The following ITGA4 variants were observed in gnomAD, a reference collection of about 807,000 sequenced individuals.
The protein encoded by ITGA4 is integrin subunit alpha 4, also known as integrin alpha-4.
In ITGA4, 63 loss-of-function variants were observed where a neutral mutation model predicts 133.6. The ratio of observed to expected loss-of-function variants is 0.47; its 90% CI spans 0.38 to 0.58. ITGA4 has a LOEUF of 0.58. ITGA4 is among the 20% of genes least tolerant of loss of function. ITGA4 has a pLI of 0.00. For missense variants in ITGA4, 1,076 were observed against 1,252.7 expected, an observed-to-expected ratio of 0.86 and a Z score of 2.13; for synonymous variants, 483 against 438.0, an observed-to-expected ratio of 1.10 and a Z score of -1.28.
At chr2:181,472,803 C>T (rs1214580873) in intron 2 of ITGA4, among the ~76,000 whole-genome samples, 1 of 152,116 alleles carries the variant, frequency 6.6e-6, no homozygotes, top group Non-Finnish European at 1.5e-5. Flanking sequence ...ACCATCTTCC[C>T]TCTGTTTTCC....
Position 181,494,809 on chromosome 2 carries a change from G to A in ITGA4, c.1336G>A (p.Val446Ile). The A allele has an allele frequency of 6.9e-7, 1 of 1,446,936 alleles. No individual in the cohort carries two copies. Among genetic ancestry groups the A allele is most frequent in the East Asian group, 2.3e-5 (1 of 44,072 alleles). 89.6% of individuals were successfully genotyped at this position (1,446,936 alleles called of 1,614,324 possible). ...AATTGATGCAGATAATAATGGCTAT[G>A]TAGGTGAGTAATTAGTTTATCATAA... is the stretch of plus-strand genomic sequence containing the variant. The part of the protein sequence containing the change: ...GQIDADNNGY[V>I]DVAVGAFRSD... Residue 446 changes from valine to isoleucine, a missense_variant, in exon 12 of 28, where the codon GTA (valine) becomes ATA (isoleucine). Val to Ile is a conservative substitution (Grantham distance 29). Coordinates refer to ENST00000397033, the MANE Select transcript of ITGA4 (RefSeq NM_000885.6).
rs201758248 is a variant in ITGA4 at position 181,523,522 on chromosome 2, A to C, written c.2159A>C (p.His720Pro). 6.4e-7 allele frequency: 1 copy of C among 1,565,812 alleles called. No homozygotes were observed. ...AGTATTGGCTATATATATGTAGATC[A>C]TCTCTCAAGGGTAAGTGTTTCATAT... ...DCSIGYIYVD[H>P]LSRIDISFLL... Residue 720 changes from histidine (H) to proline (P), a missense_variant, in exon 19 of 28, where the codon CAT (histidine) becomes CCT (proline). Transcript: ENST00000397033. This position sits in a 1 kb window ranked among gnomAD's most constrained non-coding sequence, Gnocchi z 4.2.
At chr2:181,477,538 C>T (rs1358642630) in intron 4 of ITGA4, among the ~76,000 whole-genome samples, 1 of 152,012 alleles carries the variant, frequency 6.6e-6, no homozygotes, top group East Asian at 1.9e-4. Context: ...GTCAAGAGAC[C>T]AAATGGCTTT....
At chr2:181,518,850 T>C (rs1188321778) in intron 17 of ITGA4, among the ~76,000 whole-genome samples, 1 of 152,080 alleles carries the variant, frequency 6.6e-6, no homozygotes, top group Non-Finnish European at 1.5e-5. Flanking sequence ...TAGTATATTT[T>C]GTTTTTTAAA....
chr2:181,496,542 C>A (rs1437924284), intron 14 of ITGA4, among the ~76,000 whole-genome samples: 1 of 152,166 alleles, frequency 6.6e-6, no homozygotes, highest in African/African-American at 2.4e-5. Context: ...CTCCTAAGAA[C>A]CGTCACCTAT....
Position 181,534,356 on chromosome 2 carries a change from G to A in ITGA4, c.2869G>A (p.Glu957Lys), listed in dbSNP as rs184654468. The stretch of plus-strand genomic sequence containing the variant: ...AAGAGTAATTGAACTAAACAAGGAT[G>A]AGAATGTTGCGCATGTAAGATTACC... Reference protein sequence around the residue: ...NPRVIELNKDENVAHVLLEGL... With the variant: ...NPRVIELNKDKNVAHVLLEGL... The change falls in exon 26 of 28, where the codon GAG (glutamate) becomes AAG (lysine). Residue 957 changes from glutamate (E) to lysine (K), a missense_variant. Transcript: ENST00000397033. 1.4e-5 allele frequency: 23 copies of A among 1,595,412 alleles called. No individual in the cohort carries two copies.
chr2:181,534,248 GGT>G, intron 25 of ITGA4, 22 bp from the exon 26 acceptor site: 2 of 1,388,758 alleles, frequency 1.4e-6, no homozygotes, highest in Non-Finnish European at 2.0e-6. Context: ...ACCAGGCTAT[GGT>G]GATCCTTCTT....
chr2:181,492,717 G>T (rs1420008487), intron 10 of ITGA4, among the ~76,000 whole-genome samples: 1 of 152,134 alleles, frequency 6.6e-6, no homozygotes, highest in Non-Finnish European at 1.5e-5. Flanking sequence ...TTATTTTACA[G>T]AACAAATCCT....
intron 2 of ITGA4, chr2:181,459,475 A>G (rs1685213880): frequency 6.6e-6 from 1 of 152,026 alleles, no homozygotes. Context: ...TCTTTTTCAA[A>G]CTGTGAAGCT....
At chr2:181,490,484 CGTGTGTGTGTGTGTGTGTGTGTGTGT>C (rs35723610) in intron 10 of ITGA4, among the ~76,000 whole-genome samples, 1 of 137,742 alleles carries the variant, frequency 7.3e-6, no homozygotes, top group Admixed American at 7.2e-5. Flanking sequence ...GAATAGTATT[CGTGTGTGTGTGTGTGTGTGTGTGTGT>C]GTGTGTGTGT....
intron 21 of ITGA4, 118 bp downstream of exon 21, chr2:181,525,409 C>A (rs1469581730): frequency 5.2e-6 from 3 of 576,444 alleles, no homozygotes; most frequent in African/African-American, 3.7e-5. Context: ...GATACTCTAT[C>A]TTTTAATAAT....
intron 9 of ITGA4, among the ~76,000 whole-genome samples, chr2:181,482,854 C>A (rs907566034): frequency 2.0e-5 from 3 of 152,108 alleles, no homozygotes; most frequent in Non-Finnish European, 4.4e-5. Flanking sequence ...CCAGAACAAT[C>A]TATGAAATAG....
chr2:181,488,669 C>T (rs1410482548), intron 10 of ITGA4, among the ~76,000 whole-genome samples: 3 of 152,038 alleles, frequency 2.0e-5, no homozygotes. Flanking sequence ...TGCCATTCTC[C>T]TGCCTCAGCC....
At chr2:181,515,045 G>A (rs1172511469) in intron 17 of ITGA4, among the ~76,000 whole-genome samples, 1 of 152,044 alleles carries the variant, frequency 6.6e-6, no homozygotes, top group Non-Finnish European at 1.5e-5. Context: ...TGAAAGAAAT[G>A]CAGATTCCTA....
At chr2:181,477,665 G>A (rs1398146758) in intron 4 of ITGA4, among the ~76,000 whole-genome samples, 3 of 152,110 alleles carry the variant, frequency 2.0e-5, no homozygotes, top group African/African-American at 7.2e-5. Flanking sequence ...ACACCTATTA[G>A]AATTGTCATT....
chr2:181,511,812 G>T (rs753294842), intron 17 of ITGA4, 37 bp downstream of exon 17: 3 of 1,002,862 alleles, frequency 3.0e-6, no homozygotes, highest in African/African-American at 3.2e-5. Flanking sequence ...GTTATTCATC[G>T]AGAGGGTGTA....
intron 15 of ITGA4, among the ~76,000 whole-genome samples, chr2:181,501,591 G>A (rs935785608): frequency 1.3e-5 from 2 of 152,152 alleles, no homozygotes; most frequent in South Asian, 4.1e-4. Flanking sequence ...CAAAAGTGGT[G>A]GCAGTGGATA....
chr2:181,472,993 GTCC>G (rs1028632889), intron 2 of ITGA4, among the ~76,000 whole-genome samples: 6 of 152,198 alleles, frequency 3.9e-5, no homozygotes, highest in African/African-American at 1.4e-4. Context: ...CCTAGTCTTA[GTCC>G]TCCTCCCTTC....
chr2:181,463,172 G>T (rs1466121634), intron 2 of ITGA4, among the ~76,000 whole-genome samples: 1 of 152,200 alleles, frequency 6.6e-6, no homozygotes, highest in Non-Finnish European at 1.5e-5. Flanking sequence ...TGAAGTCTTT[G>T]AGAGCACGAT....
Sources: allele counts gnomAD v4.1 joint callset (sites outside exome capture counted in the v4.1 genomes callset), GRCh38; gene constraint gnomAD v4.1.1; non-coding constraint Gnocchi (gnomAD v3.1); transcripts MANE v1.5; gene names NCBI Gene and HGNC (gene_info 2026-07-23, HGNC 2026-07-21).